The following PIAS1 variants were observed in gnomAD, a reference collection of about 807,000 sequenced individuals.
PIAS1 encodes the protein protein inhibitor of activated STAT 1, also known as E3 SUMO-protein ligase PIAS1.
Under a neutral mutation model 71.3 loss-of-function variants are expected in PIAS1, and 6 were observed. The observed-to-expected ratio is 0.08, with a 90% confidence interval of 0.05 to 0.17. PIAS1 has a LOEUF of 0.17. Among genes scored for constraint, PIAS1 ranks in the 10% least tolerant of loss-of-function variants. The pLI, the probability that PIAS1 is intolerant of heterozygous loss-of-function variation, is 1.00. For missense variants in PIAS1, 555 were observed against 793.6 expected (o/e 0.70, Z 3.61); for synonymous variants, 303 against 292.9 (o/e 1.03, Z -0.35).
chr15:68,082,398 A>C (rs1567033103), intron 1 of PIAS1, among the ~76,000 whole-genome samples: 1 of 152,130 alleles, frequency 6.6e-6, no homozygotes, highest in Non-Finnish European at 1.5e-5. Context: ...AATATGGTGG[A>C]GGGCTACAGG....
chr15:68,129,994 G>T (rs969370249), intron 2 of PIAS1, among the ~76,000 whole-genome samples: 1 of 151,866 alleles, frequency 6.6e-6, no homozygotes, highest in African/African-American at 2.4e-5. Flanking sequence ...GTTTTTTACA[G>T]TGAGTATTGC....
In PIAS1 at chr15:68,189,784, G is replaced by C. The variant is rs759838914; in HGVS notation, c.*1949G>C. 2.6e-5 allele frequency: 4 copies of C among 151,988 alleles called. No individual in the cohort carries two copies. Among genetic ancestry groups the C allele is most frequent in the Non-Finnish European group, 5.9e-5 (4 of 67,984 alleles). 9.4% of individuals were successfully genotyped at this position (151,988 alleles called of 1,614,324 possible). A position where few individuals can be genotyped will look rare whatever the true frequency, so the allele number is the denominator to read the frequency against. On this transcript the variant is annotated 3_prime_UTR_variant, in exon 14 of 14. Coordinates refer to ENST00000249636, the MANE Select transcript of PIAS1 (RefSeq NM_016166.3). ...TTGCAATAAAAAAAAAACCAAAACAGATTGTCAGTTAACCAGGAAACAGTT... is the reference window on the plus strand; with the variant it reads ...TTGCAATAAAAAAAAAACCAAAACACATTGTCAGTTAACCAGGAAACAGTT...
intron 2 of PIAS1, among the ~76,000 whole-genome samples, chr15:68,097,746 T>C (rs2092389079): frequency 1.3e-5 from 2 of 152,166 alleles, no homozygotes; most frequent in African/African-American, 2.4e-5. Context: ...ATGTTGTAAT[T>C]TATTAAATGC....
rs1595788863 is a variant in PIAS1 at position 68,173,358 on chromosome 15, C to A, written c.1009-374C>A. On this transcript the variant is annotated intron_variant, in intron 8 of 13. Coordinates refer to ENST00000249636, the MANE Select transcript of PIAS1 (RefSeq NM_016166.3). The surrounding 1 kb of genome is among the most constrained non-coding windows in gnomAD (Gnocchi z 4.3). ...CTTCAGCCTGGGCAATATAGCAAGA[C>A]CCCATCTGTTTAAAAAAAAAAAACT... 6.6e-6 allele frequency among the ~76,000 whole-genome samples: 1 copy of A among 151,662 alleles called. No homozygotes were observed.
At chr15:68,095,121 A>AT (rs555989604) in intron 2 of PIAS1, among the ~76,000 whole-genome samples, 4 of 152,058 alleles carry the variant, frequency 2.6e-5, no homozygotes, top group East Asian at 1.9e-4. Context: ...TTATGAAATA[A>AT]TTTTTTTTAA....
At chr15:68,140,325 C>G (rs1395441056) in intron 2 of PIAS1, among the ~76,000 whole-genome samples, 1 of 152,060 alleles carries the variant, frequency 6.6e-6, no homozygotes, top group Non-Finnish European at 1.5e-5. Context: ...AAAAATAGAG[C>G]CAACGATTTA....
chr15:68,179,564 C>CTTGTTTTTTTT (rs2093040106), intron 11 of PIAS1, among the ~76,000 whole-genome samples: 1 of 40,094 alleles, frequency 2.5e-5, no homozygotes, highest in Non-Finnish European at 4.4e-5. Flanking sequence ...GTGAAATGTT[C>CTTGTTTTTTTT]TTTTTTTTTT....
chr15:68,101,445 T>C lies in PIAS1; in HGVS notation c.469+14695T>C, dbSNP rs191277074. On this transcript the variant is annotated intron_variant, in intron 2 of 13. Transcript: ENST00000249636. ...CTTTTCTCCTGTGGTGTAACTTGTC[T>C]TTTTTTTTGTTTGTTTCCTTGTTTG... Among the ~76,000 whole-genome samples, 75 of 151,276 alleles carry C rather than the reference T, an allele frequency of 5.0e-4. No individual in the cohort carries two copies. In the East Asian group the frequency reaches 0.01, roughly 21 times the overall value.
chr15:68,176,690 T>C (rs1208233086), intron 11 of PIAS1, 36 bp downstream of exon 11: 7 of 1,424,598 alleles, frequency 4.9e-6, no homozygotes, highest in African/African-American at 1.5e-5. Flanking sequence ...AAAGTAATCA[T>C]GAAAATTAAC....
chr15:68,120,549 C>T (rs562260488), intron 2 of PIAS1, among the ~76,000 whole-genome samples: 12 of 152,196 alleles, frequency 7.9e-5, no homozygotes, highest in South Asian at 2.1e-4. Flanking sequence ...TAATTCGTCA[C>T]GACCCTACTT....
At chr15:68,149,525 ATCT>A (rs1316693177) in intron 6 of PIAS1, among the ~76,000 whole-genome samples, 1 of 151,924 alleles carries the variant, frequency 6.6e-6, no homozygotes, top group Admixed American at 6.6e-5. Flanking sequence ...GTATTTTCAA[ATCT>A]TCTTTTATGT....
At chr15:68,059,936 A>G (rs2140952363) in intron 1 of PIAS1, among the ~76,000 whole-genome samples, 1 of 152,238 alleles carries the variant, frequency 6.6e-6, no homozygotes, top group South Asian at 2.1e-4. Context: ...AAAATTAGCT[A>G]AAATGTTGTC....
At chr15:68,097,528 GT>G (rs2092386781) in intron 2 of PIAS1, among the ~76,000 whole-genome samples, 1 of 152,118 alleles carries the variant, frequency 6.6e-6, no homozygotes, top group African/African-American at 2.4e-5. Flanking sequence ...TGCCTCCTCA[GT>G]TCAAGTGATT....
At chr15:68,110,251 A>T (rs1292014040) in intron 2 of PIAS1, among the ~76,000 whole-genome samples, 4 of 152,114 alleles carry the variant, frequency 2.6e-5, no homozygotes, top group Non-Finnish European at 5.9e-5. Context: ...TGAAGAAAAA[A>T]TTTTTTACAG....
At chr15:68,067,239 T>C (rs1597121901) in intron 1 of PIAS1, among the ~76,000 whole-genome samples, 1 of 152,062 alleles carries the variant, frequency 6.6e-6, no homozygotes, top group Non-Finnish European at 1.5e-5. Context: ...GACCTGAGGG[T>C]GTAACCATCC....
chr15:68,079,044 CT>C (rs34874800), intron 1 of PIAS1, among the ~76,000 whole-genome samples: 58,359 of 143,080 alleles, frequency 0.41, 12,685 homozygotes, highest in East Asian at 0.8. Context: ...GTTAATCCCT[CT>C]TTTTTTTTTT....
chr15:68,129,129 A>G (rs927272517), intron 2 of PIAS1, among the ~76,000 whole-genome samples: 1 of 152,064 alleles, frequency 6.6e-6, no homozygotes, highest in Non-Finnish European at 1.5e-5. Flanking sequence ...TGGTACGATC[A>G]TTTTTCACTG....
At chr15:68,057,632 ACT>A in intron 1 of PIAS1, 1 of 301,168 alleles carries the variant, frequency 3.3e-6, no homozygotes. Flanking sequence ...AGAAATAGCT[ACT>A]TAATTTTGAT....
Position 68,175,643 on chromosome 15 carries a change from T to C in PIAS1, c.1176T>C (p.Phe392=). The C allele has an allele frequency of 6.7e-7, 1 of 1,493,430 alleles. No individual in the cohort carries two copies. Among genetic ancestry groups the C allele is most frequent in the Non-Finnish European group, 9.0e-7 (1 of 1,106,152 alleles). 92.5% of individuals were successfully genotyped at this position (1,493,430 alleles called of 1,614,324 possible). A position where few individuals can be genotyped will look rare whatever the true frequency, so the allele number is the denominator to read the frequency against. ...PYEHLIIDGL[F]MEILKYCTDC... is the part of the protein sequence containing the mutation. Reference sequence around the variant, plus strand: ...ATGAATTGTTTTCTTATAGCTTGTTTATGGAAATCCTAAAGTACTGTACAG... The same window carrying C: ...ATGAATTGTTTTCTTATAGCTTGTTCATGGAAATCCTAAAGTACTGTACAG... Residue 392 remains phenylalanine, a synonymous_variant, in exon 10 of 14, where the codon TTT becomes TTC. Coordinates refer to ENST00000249636, the MANE Select transcript of PIAS1 (RefSeq NM_016166.3).
Sources: gnomAD v4.1 joint callset for allele counts (sites outside exome capture counted in the v4.1 genomes callset) on GRCh38, gnomAD v4.1.1 for gene constraint, Gnocchi (gnomAD v3.1) non-coding constraint, MANE v1.5 for transcripts, NCBI Gene and HGNC (gene_info 2026-07-23, HGNC 2026-07-21) for gene names.